The following TAFA5 variants were observed in gnomAD, a reference collection of about 807,000 sequenced individuals.
TAFA5 encodes TAFA chemokine like family member 5.
TAFA5 carries 6 observed loss-of-function variants against 15.3 expected under a neutral mutation model. That is an observed-to-expected ratio of 0.39 (90% confidence interval 0.21 to 0.77). TAFA5 has a LOEUF of 0.77. Among genes scored for constraint, TAFA5 ranks in the 30% least tolerant of loss-of-function variants. The pLI is 0.41. For synonymous variants in TAFA5, 103 were observed against 80.7 expected (o/e 1.28, Z -1.48); for missense variants, 161 against 193.1 (o/e 0.83, Z 0.98).
At chr22:48,739,623 G>A (rs1200771444) in intron 3 of TAFA5, among the ~76,000 whole-genome samples, 1 of 152,182 alleles carries the variant, frequency 6.6e-6, no homozygotes, top group Admixed American at 6.5e-5. Context: ...ATCTGTTGCA[G>A]CCCAGATGTG....
intron 2 of TAFA5, among the ~76,000 whole-genome samples, chr22:48,675,280 G>A (rs1927937001): frequency 6.6e-6 from 1 of 152,254 alleles, no homozygotes; most frequent in African/African-American, 2.4e-5. Context: ...AGATCAACAT[G>A]GGTATTGCCA....
intron 1 of TAFA5, among the ~76,000 whole-genome samples, chr22:48,596,265 G>T (rs999632965): frequency 4.6e-5 from 7 of 152,230 alleles, no homozygotes; most frequent in African/African-American, 1.4e-4. Flanking sequence ...GCCCAGGACT[G>T]AGCGTTGGTT....
chr22:48,626,894 T>C (rs1926042436), intron 1 of TAFA5, among the ~76,000 whole-genome samples: 1 of 152,198 alleles, frequency 6.6e-6, no homozygotes, highest in Admixed American at 6.5e-5. Flanking sequence ...TAGATACCAT[T>C]TTTCCTTTTT....
intron 3 of TAFA5, among the ~76,000 whole-genome samples, chr22:48,717,365 G>A (rs1438947178): frequency 2.6e-5 from 4 of 152,130 alleles, no homozygotes; most frequent in Non-Finnish European, 4.4e-5. Context: ...GAGGAGCCCT[G>A]CACATCCCAG....
At chr22:48,656,809 G>GGCTA (rs1927269384) in intron 2 of TAFA5, among the ~76,000 whole-genome samples, 1 of 120,294 alleles carries the variant, frequency 8.3e-6, no homozygotes, top group Non-Finnish European at 1.6e-5. Flanking sequence ...CTGTTGCCCA[G>GGCTA]GCTAGAGTGC....
intron 1 of TAFA5, among the ~76,000 whole-genome samples, chr22:48,534,117 A>G (rs1922064389): frequency 6.6e-6 from 1 of 151,974 alleles, no homozygotes; most frequent in Admixed American, 6.6e-5. Context: ...AGGGCCAGGC[A>G]GGTGAGGGGT....
At chr22:48,634,887 A>G (rs1358061396) in intron 1 of TAFA5, among the ~76,000 whole-genome samples, 1 of 152,192 alleles carries the variant, frequency 6.6e-6, no homozygotes, top group Admixed American at 6.5e-5. Context: ...GACAGGAAGG[A>G]GCCAGCCCAT....
intron 1 of TAFA5, among the ~76,000 whole-genome samples, chr22:48,512,468 T>G (rs7354801): frequency 6.6e-5 from 10 of 151,630 alleles, no homozygotes; most frequent in Non-Finnish European, 1.5e-4. Context: ...ATTAGCCGGG[T>G]GCAGTGGTGG....
intron 1 of TAFA5, among the ~76,000 whole-genome samples, chr22:48,594,224 G>C (rs1345117054): frequency 2.6e-5 from 4 of 152,200 alleles, no homozygotes; most frequent in Non-Finnish European, 5.9e-5. Context: ...GTGCAGGCGA[G>C]ACCCAGCGAG....
intron 2 of TAFA5, among the ~76,000 whole-genome samples, chr22:48,679,840 C>T (rs977455243): frequency 5.3e-5 from 8 of 152,208 alleles, no homozygotes; most frequent in African/African-American, 1.2e-4. Context: ...CCGCCCTCAC[C>T]GTGTGGACCG....
At chr22:48,702,357 T>C (rs132229) in intron 2 of TAFA5, among the ~76,000 whole-genome samples, 43,130 of 151,768 alleles carry the variant, frequency 0.28, 6,374 homozygotes, top group East Asian at 0.45. Context: ...TGTGGGGTCC[T>C]ACAGAGGCTT....
At chr22:48,553,427 G>A (rs1401240517) in intron 1 of TAFA5, among the ~76,000 whole-genome samples, 1 of 152,220 alleles carries the variant, frequency 6.6e-6, no homozygotes, top group Non-Finnish European at 1.5e-5. Flanking sequence ...ATAGGATGGA[G>A]GGAGGGAAGC....
intron 1 of TAFA5, among the ~76,000 whole-genome samples, chr22:48,524,033 G>A (rs761824809): frequency 6.6e-6 from 1 of 152,236 alleles, no homozygotes; most frequent in Non-Finnish European, 1.5e-5. Context: ...GTCAGAGGGC[G>A]GAAGCAGGGT....
intron 1 of TAFA5, among the ~76,000 whole-genome samples, chr22:48,621,001 A>G (rs1179595981): frequency 2.8e-5 from 3 of 108,664 alleles, no homozygotes; most frequent in Admixed American, 9.6e-5. Flanking sequence ...CACCCACACT[A>G]TCTATCCACC....
intron 1 of TAFA5, among the ~76,000 whole-genome samples, chr22:48,638,786 A>C (rs1296040648): frequency 7.6e-6 from 1 of 131,534 alleles, no homozygotes; most frequent in East Asian, 2.3e-4. Flanking sequence ...CCCGACACTA[A>C]GCCCTGGGTC....
chr22:48,652,430 G>T (rs1223783615), intron 2 of TAFA5, among the ~76,000 whole-genome samples: 1 of 152,194 alleles, frequency 6.6e-6, no homozygotes, highest in African/African-American at 2.4e-5. Context: ...CCCTACAGTT[G>T]TTCATACAAC....
intron 1 of TAFA5, among the ~76,000 whole-genome samples, chr22:48,556,546 C>T (rs1923045920): frequency 6.6e-6 from 1 of 152,220 alleles, no homozygotes; most frequent in African/African-American, 2.4e-5. Flanking sequence ...TGTTGGAAGA[C>T]CTTTGATTTT....
Position 48,707,733 on chromosome 22 carries a change from C to A in TAFA5, c.279C>A (p.Thr93=). The A allele has an allele frequency of 6.2e-7, 1 of 1,613,900 alleles. No homozygotes were observed. Residue 93 remains threonine (T), a synonymous_variant, in exon 3 of 4, where the codon ACC becomes ACA. Transcript: ENST00000402357. The stretch of plus-strand genomic sequence containing the variant: ...CTCCCACAGCAAGAATCATCAAGAC[C>A]AAGCAGTGGTGTGACATGCTTCCGT... ...PACVDARIIK[T]KQWCDMLPCL... is the part of the protein sequence containing the mutation.
intron 1 of TAFA5, among the ~76,000 whole-genome samples, chr22:48,583,760 ACG>A: frequency 6.3e-4 from 11 of 17,524 alleles, no homozygotes; most frequent in East Asian, 1.3e-3. Context: ...CACACAGTAC[ACG>A]CCACAGAAAA....
Sources: gnomAD v4.1 joint callset for allele counts (sites outside exome capture counted in the v4.1 genomes callset) on GRCh38, gnomAD v4.1.1 for gene constraint, MANE v1.5 for transcripts, NCBI Gene and HGNC (gene_info 2026-07-23, HGNC 2026-07-21) for gene names.